RALB: variants seen among roughly 807,000 people sequenced by gnomAD.
The protein encoded by RALB is RAS like proto-oncogene B, also known as ras-related protein Ral-B.
RALB carries 16 observed loss-of-function variants against 21.3 expected under a neutral mutation model. The observed-to-expected ratio is 0.75, with a 90% confidence interval of 0.51 to 1.14. The LOEUF is 1.14. Ranked by LOEUF, RALB falls within the 50% of genes most tolerant of loss-of-function variation. The probability of loss-of-function intolerance (pLI) is 0.00; values close to 1 mark genes in which losing one functional copy is unlikely to be tolerated. For synonymous variants in RALB, 93 were observed against 96.1 expected, an observed-to-expected ratio of 0.97 and a Z score of 0.19; for missense variants, 161 against 256.2, an observed-to-expected ratio of 0.63 and a Z score of 2.54.
intron 1 of RALB, among the ~76,000 whole-genome samples, chr2:120,271,501 A>G (rs1276168595): frequency 1.3e-5 from 2 of 152,222 alleles, no homozygotes; most frequent in Non-Finnish European, 2.9e-5. Flanking sequence ...CCGCCTAGCA[A>G]TGACTCCCTG....
At chr2:120,264,309 A>G (rs1301289859) in intron 1 of RALB, among the ~76,000 whole-genome samples, 3 of 146,732 alleles carry the variant, frequency 2.0e-5, no homozygotes, top group Non-Finnish European at 3.0e-5. Context: ...CCACCATCAC[A>G]CCCAGCTAAT....
chr2:120,254,263 A>T (rs1689139260), intron 1 of RALB, among the ~76,000 whole-genome samples: 1 of 152,176 alleles, frequency 6.6e-6, no homozygotes, highest in African/African-American at 2.4e-5. Flanking sequence ...AATTGTTAGG[A>T]TTAAACGAAA....
chr2:120,252,968 G>T lies in RALB; in HGVS notation c.-60G>T. Reference sequence around the variant, plus strand: ...CCGGGTGCGGACGGCGGAGGCGGCGGGACTGGTCCCTGGTAAGGGCGCGGC... The same window carrying T: ...CCGGGTGCGGACGGCGGAGGCGGCGTGACTGGTCCCTGGTAAGGGCGCGGC... On this transcript the variant is annotated 5_prime_UTR_variant, in exon 1 of 5. Coordinates refer to ENST00000272519, the MANE Select transcript of RALB (RefSeq NM_002881.3). The T allele has an allele frequency of 1.0e-6, 1 of 985,484 alleles. No homozygotes were observed. Among genetic ancestry groups the T allele is most frequent in the Non-Finnish European group, 1.2e-6 (1 of 830,282 alleles). 61.0% of individuals were successfully genotyped at this position (985,484 alleles called of 1,614,324 possible). A position where few individuals can be genotyped will look rare whatever the true frequency, so the allele number is the denominator to read the frequency against.
At chr2:120,258,378 T>A (rs1372825155) in intron 1 of RALB, among the ~76,000 whole-genome samples, 2 of 152,118 alleles carry the variant, frequency 1.3e-5, no homozygotes, top group Non-Finnish European at 2.9e-5. Context: ...TGTGTGTGTG[T>A]GCAGGCACGC....
intron 1 of RALB, among the ~76,000 whole-genome samples, chr2:120,255,551 T>TA (rs1689180740): frequency 6.6e-6 from 1 of 152,184 alleles, no homozygotes; most frequent in Admixed American, 6.5e-5. Context: ...CATATATTCT[T>TA]AGATATTCCA....
chr2:120,254,986 C>A (rs1204124949), intron 1 of RALB, among the ~76,000 whole-genome samples: 1 of 152,188 alleles, frequency 6.6e-6, no homozygotes, highest in Non-Finnish European at 1.5e-5. Flanking sequence ...AGGGATAATT[C>A]TTTCTTCCAA....
intron 1 of RALB, among the ~76,000 whole-genome samples, chr2:120,254,675 TC>T (rs1213943378): frequency 1.3e-5 from 1 of 77,872 alleles, no homozygotes; most frequent in African/African-American, 6.2e-5. Context: ...ATTGAGATAA[TC>T]CTTTTTTTGT....
chr2:120,284,762 A>G (rs1212534755), intron 2 of RALB, among the ~76,000 whole-genome samples: 6 of 151,408 alleles, frequency 4.0e-5, no homozygotes, highest in African/African-American at 1.2e-4. Flanking sequence ...AAACCAACCT[A>G]CGTATTAGTA....
At chr2:120,277,876 CAT>C (rs1491285031) in intron 1 of RALB, among the ~76,000 whole-genome samples, 4 of 73,992 alleles carry the variant, frequency 5.4e-5, no homozygotes, top group African/African-American at 1.8e-4. Context: ...AATGTGAGAA[CAT>C]GAGTGTGAAA....
intron 4 of RALB, 35 bp downstream of exon 4, chr2:120,289,792 A>G: frequency 1.3e-6 from 2 of 1,546,432 alleles, no homozygotes; most frequent in Non-Finnish European, 1.7e-6. Flanking sequence ...TCAGAAACAG[A>G]CCTGAGAAAC....
intron 1 of RALB, chr2:120,253,652 G>A (rs1402065249): frequency 7.1e-6 from 7 of 985,364 alleles, no homozygotes; most frequent in Non-Finnish European, 8.4e-6. Context: ...AGCTTGCTGC[G>A]TCCACACTGC....
At chr2:120,283,650 T>C (rs1690050930) in intron 2 of RALB, among the ~76,000 whole-genome samples, 1 of 152,016 alleles carries the variant, frequency 6.6e-6, no homozygotes, top group Admixed American at 6.6e-5. Context: ...GAGAGTAAGG[T>C]TGGGGATGGA....
intron 1 of RALB, among the ~76,000 whole-genome samples, chr2:120,277,921 ATGTGAGCGTG>A (rs1417379654): frequency 3.0e-5 from 4 of 132,046 alleles, no homozygotes; most frequent in Non-Finnish European, 6.4e-5. Flanking sequence ...ATGTGAGTTA[ATGTGAGCGTG>A]TGTGAGCGAG....
At chr2:120,281,063 C>G (rs1384693112) in intron 2 of RALB, among the ~76,000 whole-genome samples, 1 of 152,170 alleles carries the variant, frequency 6.6e-6, no homozygotes, top group Non-Finnish European at 1.5e-5. Flanking sequence ...TTCCATGGGT[C>G]CAGAATTGGA....
intron 3 of RALB, 22 bp downstream of exon 3, chr2:120,286,104 A>G: frequency 3.1e-6 from 5 of 1,608,272 alleles, no homozygotes; most frequent in Non-Finnish European, 4.3e-6. Flanking sequence ...ATGAAATAGC[A>G]GAAGCCCCCA....
intron 1 of RALB, among the ~76,000 whole-genome samples, chr2:120,245,335 A>G (rs1574840543): frequency 6.6e-6 from 1 of 152,160 alleles, no homozygotes; most frequent in Non-Finnish European, 1.5e-5. Flanking sequence ...TGAACTCTCA[A>G]CCTGATAGGC....
At chr2:120,262,614 G>A (rs747641385) in intron 1 of RALB, among the ~76,000 whole-genome samples, 7 of 152,130 alleles carry the variant, frequency 4.6e-5, no homozygotes, top group South Asian at 2.1e-4. Context: ...TTCTAGCACC[G>A]TAGTTCCCAA....
chr2:120,269,125 C>T (rs1689582285), intron 1 of RALB, among the ~76,000 whole-genome samples: 1 of 152,096 alleles, frequency 6.6e-6, no homozygotes, highest in Non-Finnish European at 1.5e-5. Context: ...TTGGTTTGTT[C>T]CTTCCGTGGG....
At chr2:120,283,225 A>G (rs982229080) in intron 2 of RALB, among the ~76,000 whole-genome samples, 1 of 152,172 alleles carries the variant, frequency 6.6e-6, no homozygotes. Flanking sequence ...GATGACTTTG[A>G]ATGTGGCCCA....
Sources: gnomAD v4.1 joint callset for allele counts (sites outside exome capture counted in the v4.1 genomes callset) on GRCh38, gnomAD v4.1.1 for gene constraint, MANE v1.5 for transcripts, NCBI Gene and HGNC (gene_info 2026-07-23, HGNC 2026-07-21) for gene names.